SRRM5: variants seen among roughly 807,000 people sequenced by gnomAD.
SRRM5 encodes serine/arginine repetitive matrix protein 5.
SRRM5 carries 1 observed loss-of-function variant against 1.3 expected under a neutral mutation model. The ratio of observed to expected loss-of-function variants is 0.76; its 90% confidence interval spans 0.27 to 3.59. The LOEUF (loss-of-function observed/expected upper bound fraction) is 3.59, where lower values mean the gene tolerates loss of function less well. SRRM5 is among the 30% of genes most tolerant of loss of function. The pLI is 0.19. For missense variants in SRRM5, 875 were observed against 914.5 expected, an observed-to-expected ratio of 0.96 and a Z score of 0.56; for synonymous variants, 275 against 320.2, an observed-to-expected ratio of 0.86 and a Z score of 1.51.
At position 43,612,845 on chromosome 19, in the gene SRRM5, G is replaced by A. The variant is rs1366671849; in HGVS notation, c.724G>A (p.Val242Met). The change falls in exon 1 of 1, where the codon GTG becomes ATG. Residue 242 changes from valine (V) to methionine (M), a missense_variant. Coordinates refer to ENST00000417606, the MANE Select transcript of SRRM5 (RefSeq NM_001145641.2). This position sits in a 1 kb window ranked among gnomAD's most constrained non-coding sequence, Gnocchi z 4.2. ...DNPSPSSSRK[V>M]KSYGQMIIPS... ...CCCATCTCCATCCTCATCAAGGAAG[G>A]TGAAGAGCTACGGTCAGATGATCAT... 1.3e-6 allele frequency: 2 copies of A among 1,551,714 alleles called. No homozygotes were observed. Among genetic ancestry groups the A allele is most frequent in the Non-Finnish European group, 8.7e-7 (1 of 1,146,998 alleles).
At position 43,613,493 on chromosome 19, in the gene SRRM5, G is replaced by A. The variant is rs1294038890; in HGVS notation, c.1372G>A (p.Ala458Thr). Residue 458 changes from alanine to threonine, a missense_variant, in exon 1 of 1, where the codon GCA becomes ACA. Ala to Thr is a moderately conservative substitution (Grantham distance 58). Coordinates refer to ENST00000417606, the MANE Select transcript of SRRM5 (RefSeq NM_001145641.2). ...CAGCCGATCTAGAAGTCCCAACAAG[G>A]CAAGAGATCATAGCCGATCTAGAAG... Reference protein sequence around the residue: ...DRSRSRSPNKARDHSRSRSPN... With the variant: ...DRSRSRSPNKTRDHSRSRSPN... 1.3e-6 allele frequency: 2 copies of A among 1,545,624 alleles called. No homozygotes were observed. The highest frequency in any genetic ancestry group is 1.7e-6 in the Non-Finnish European group (2 of 1,146,524).
rs148194580 is a variant in SRRM5 at position 43,612,510 on chromosome 19, G to A, written c.389G>A (p.Arg130His). 2.6e-3 allele frequency: 4,005 copies of A among 1,551,518 alleles called. 100 individuals carry two copies. The Admixed American group carries it at 0.053, about 21-fold the overall frequency. ...AGGACACCTGGCAGAAGGGGAAGCC[G>A]CAGCTCCAAGAGGTCACCCAGCAGG... Reference protein sequence around the residue: ...RGRTPGRRGSRSSKRSPSRAS... With the variant: ...RGRTPGRRGSHSSKRSPSRAS... The change falls in exon 1 of 1, where the codon CGC becomes CAC. Residue 130 changes from arginine (R) to histidine (H), a missense_variant. Transcript: ENST00000417606. The surrounding 1 kb of genome is among the most constrained non-coding windows in gnomAD (Gnocchi z 4.2).
In SRRM5 at chr19:43,613,733, A is replaced by G. The variant is rs1568535547; in HGVS notation, c.1612A>G (p.Ser538Gly). 1 of 1,551,630 alleles carries G rather than the reference A, an allele frequency of 6.4e-7. No homozygotes were observed. The highest frequency in any genetic ancestry group is 8.7e-7 in the Non-Finnish European group (1 of 1,146,962). ...SKERQRRQSR[S>G]PNKERDRSQS... ...GGAGAGACAGCGCAGACAATCTAGA[A>G]GCCCCAACAAGGAGAGAGATCGCAG... Residue 538 changes from serine to glycine, a missense_variant, in exon 1 of 1, where the codon AGC (serine) becomes GGC (glycine). Ser to Gly is a moderately conservative substitution (Grantham distance 56). Coordinates refer to ENST00000417606, the MANE Select transcript of SRRM5 (RefSeq NM_001145641.2).
Position 43,613,098 on chromosome 19 carries a change from T to G in SRRM5, c.977T>G (p.Met326Arg). 1 of 1,551,442 alleles carries G rather than the reference T, an allele frequency of 6.4e-7. No individual in the cohort carries two copies. The highest frequency in any genetic ancestry group is 1.2e-5 in the South Asian group (1 of 84,036). Residue 326 changes from methionine to arginine, a missense_variant, in exon 1 of 1, where the codon ATG (methionine) becomes AGG (arginine). Physicochemically the swap from Met to Arg is moderately conservative, Grantham distance 91. Transcript: ENST00000417606. Reference protein sequence around the residue: ...SRTRKGILSQMGRHSQSRSHS... With the variant: ...SRTRKGILSQRGRHSQSRSHS... ...ACCCGGAAGGGAATTCTGAGCCAGA[T>G]GGGAAGACACAGCCAGTCTAGAAGC... is the stretch of plus-strand genomic sequence containing the variant.
chr19:43,614,019 G>A lies in SRRM5; in HGVS notation c.1898G>A (p.Arg633Lys), dbSNP rs552706429. Residue 633 changes from arginine to lysine, a missense_variant, in exon 1 of 1, where the codon AGA becomes AAA. Physicochemically the swap from Arg to Lys is conservative, Grantham distance 26. Coordinates refer to ENST00000417606, the MANE Select transcript of SRRM5 (RefSeq NM_001145641.2). The part of the protein sequence containing the change: ...PSKEGNHSQS[R>K]TSSKESDPSQ... ...AAAGAAGGAAATCATAGCCAATCTA[G>A]AACCTCTAGCAAGGAGAGCGACCCC... 30 of 1,551,760 alleles carry A rather than the reference G, an allele frequency of 1.9e-5. No individual in the cohort carries two copies. In the Admixed American group the frequency reaches 5.7e-4, roughly 29 times the overall value.
In SRRM5 at chr19:43,614,026, T is replaced by TAG. The variant is rs1568535797; in HGVS notation, c.1906_1907dup (p.Ser636ArgfsTer52). The TAG allele has an allele frequency of 4.5e-6, 7 of 1,551,560 alleles. No homozygotes were observed. The highest frequency in any genetic ancestry group is 1.4e-5 in the African/African-American group (1 of 72,996). On this transcript the variant is annotated frameshift_variant, in exon 3 of 3. Coordinates refer to the SRRM5 transcript ENST00000607544. LOFTEE classifies it low-confidence loss of function (END_TRUNC). ...GAAATCATAGCCAATCTAGAACCTC[T>TAG]AGCAAGGAGAGCGACCCCAGTCAAT...
In SRRM5 at chr19:43,613,588, A is replaced by T; in HGVS notation, c.1467A>T (p.Gly489=). 6.4e-7 allele frequency: 1 copy of T among 1,551,738 alleles called. No homozygotes were observed. The highest frequency in any genetic ancestry group is 8.7e-7 in the Non-Finnish European group (1 of 1,146,994). ...AGGAAAGAGATCACAGCCAACTTGG[A>T]AGCCCCAGCAAAGAGAGAGATCACA... The part of the protein sequence containing the change: ...PSKERDHSQL[G]SPSKERDHRR... Residue 489 remains glycine (G), a synonymous_variant, in exon 1 of 1, where the codon GGA becomes GGT. Coordinates refer to ENST00000417606, the MANE Select transcript of SRRM5 (RefSeq NM_001145641.2).
chr19:43,613,449 C>A lies in SRRM5; in HGVS notation c.1328C>A (p.Pro443His). ...KARDCSRSRS[P>H]YKARDRSRSR... ...AGAGATTGCAGCCGATCTAGAAGTC[C>A]CTACAAGGCGAGAGATCGCAGCCGA... is the stretch of plus-strand genomic sequence containing the variant. The change falls in exon 1 of 1, where the codon CCC (proline) becomes CAC (histidine). Residue 443 changes from proline to histidine, a missense_variant. Transcript: ENST00000417606. 1 of 1,544,856 alleles carries A rather than the reference C, an allele frequency of 6.5e-7. No homozygotes were observed. Among genetic ancestry groups the A allele is most frequent in the Non-Finnish European group, 8.7e-7 (1 of 1,144,180 alleles).
Position 43,612,772 on chromosome 19 carries a change from CA to C in SRRM5, c.653del (p.Lys218SerfsTer25), listed in dbSNP as rs1298295596. ...AGCTGGCTGTAACTCCCAGTACAGC[CA>C]AGTGTCAAACCCCGACTGGAATTCC... On this transcript the variant is annotated frameshift_variant, in exon 3 of 3. Transcript: ENST00000607544. LOFTEE classifies it low-confidence loss of function (END_TRUNC). This position sits in a 1 kb window ranked among gnomAD's most constrained non-coding sequence, Gnocchi z 4.2. 3.9e-6 allele frequency: 6 copies of C among 1,551,640 alleles called. No homozygotes were observed. In the East Asian group the frequency reaches 1.5e-4, roughly 38 times the overall value.
Position 43,613,119 on chromosome 19 carries a change from G to T in SRRM5, c.998G>T (p.Arg333Ile), listed in dbSNP as rs12608798. 391 of 1,551,712 alleles carry T rather than the reference G, an allele frequency of 2.5e-4. 2 individuals carry two copies. The East Asian group carries it at 9.0e-3, about 36-fold the overall frequency. Residue 333 changes from arginine to isoleucine, a missense_variant, in exon 1 of 1, where the codon AGA (arginine) becomes ATA (isoleucine). Arg to Ile is a moderately conservative substitution (Grantham distance 97). Coordinates refer to ENST00000417606, the MANE Select transcript of SRRM5 (RefSeq NM_001145641.2). ...LSQMGRHSQS[R>I]SHSKGKSQNQ... Reference sequence around the variant, plus strand: ...CAGATGGGAAGACACAGCCAGTCTAGAAGCCACAGCAAGGGGAAAAGTCAA... The same window carrying T: ...CAGATGGGAAGACACAGCCAGTCTATAAGCCACAGCAAGGGGAAAAGTCAA...
chr19:43,614,044 C>T lies in SRRM5; in HGVS notation c.1923C>T (p.Pro641=), dbSNP rs1357843953. The change falls in exon 1 of 1, where the codon CCC becomes CCT. Residue 641 remains proline, a synonymous_variant. Transcript: ENST00000417606. Reference sequence around the variant, plus strand: ...GAACCTCTAGCAAGGAGAGCGACCCCAGTCAATCTACAGTCCCCAGAAGTC... The same window carrying T: ...GAACCTCTAGCAAGGAGAGCGACCCTAGTCAATCTACAGTCCCCAGAAGTC... ...QSRTSSKESD[P]SQSTVPRSPD... The T allele has an allele frequency of 6.4e-7, 1 of 1,552,386 alleles. No individual in the cohort carries two copies. The highest frequency in any genetic ancestry group is 2.4e-5 in the East Asian group (1 of 40,934).
In SRRM5 at chr19:43,614,494, C is replaced by T. The variant is rs1671445469; in HGVS notation, c.*225C>T. 1 of 1,401,622 alleles carries T rather than the reference C, an allele frequency of 7.1e-7. No homozygotes were observed. Among genetic ancestry groups the T allele is most frequent in the South Asian group, 1.6e-5 (1 of 63,466 alleles). 86.8% of individuals were successfully genotyped at this position (1,401,622 alleles called of 1,614,324 possible). On this transcript the variant is annotated 3_prime_UTR_variant, in exon 1 of 1. Coordinates refer to ENST00000417606, the MANE Select transcript of SRRM5 (RefSeq NM_001145641.2). ...CAATAAATTTTTACATAGCACCCAT[C>T]CCCACCAAGCCCAACTGTGTGCTCA... is the stretch of plus-strand genomic sequence containing the variant.
rs771703437 is a variant in SRRM5 at position 43,613,693 on chromosome 19, T to C, written c.1572T>C (p.Ser524=). Reference sequence around the variant, plus strand: ...GCAAAGAGAGAGATCACAGACGATCTAGAAGCCCCAGCAAGGAGAGACAGC... The same window carrying C: ...GCAAAGAGAGAGATCACAGACGATCCAGAAGCCCCAGCAAGGAGAGACAGC... The part of the protein sequence containing the change: ...SSSKERDHRR[S]RSPSKERQRR... Residue 524 remains serine (S), a synonymous_variant, in exon 1 of 1, where the codon TCT becomes TCC. Transcript: ENST00000417606. The C allele has an allele frequency of 7.1e-5, 110 of 1,551,072 alleles. No homozygotes were observed. The South Asian group carries it at 1.2e-3, about 17-fold the overall frequency.
chr19:43,613,930 T>C lies in SRRM5; in HGVS notation c.1809T>C (p.Ser603=), dbSNP rs1206801072. The C allele has an allele frequency of 6.4e-7, 1 of 1,550,802 alleles. No individual in the cohort carries two copies. Among genetic ancestry groups the C allele is most frequent in the Non-Finnish European group, 8.7e-7 (1 of 1,146,766 alleles). Residue 603 remains serine, a synonymous_variant, in exon 1 of 1, where the codon AGT becomes AGC. Coordinates refer to ENST00000417606, the MANE Select transcript of SRRM5 (RefSeq NM_001145641.2). ...HSRSRSPNKQ[S]GYSRPRASSK... The stretch of plus-strand genomic sequence containing the variant: ...GATCTAGAAGCCCCAATAAGCAGAG[T>C]GGTTACAGTCGACCTAGAGCCTCCA...
In SRRM5 at chr19:43,614,076, G is replaced by A; in HGVS notation, c.1955G>A (p.Trp652Ter). ...TCTACAGTCCCCAGAAGTCCCGACT[G>A]GAAGAGATCCCCTACTAGGACAAGC... Residue 652 changes from tryptophan (W) to a stop codon, truncating the protein, a stop_gained, in exon 3 of 3, where the codon TGG becomes TAG. Coordinates refer to the SRRM5 transcript ENST00000607544. LOFTEE classifies it low-confidence loss of function (END_TRUNC). The A allele has an allele frequency of 6.4e-7, 1 of 1,560,756 alleles. No individual in the cohort carries two copies. Among genetic ancestry groups the A allele is most frequent in the South Asian group, 1.2e-5 (1 of 85,194 alleles).
rs1483913674 is a variant in SRRM5 at position 43,612,643 on chromosome 19, C to T, written c.522C>T (p.Gly174=). Residue 174 remains glycine, a synonymous_variant, in exon 1 of 1, where the codon GGC becomes GGT. Transcript: ENST00000417606. This position sits in a 1 kb window ranked among gnomAD's most constrained non-coding sequence, Gnocchi z 4.2. ...QQKGSRGKSY[G]RPRTSNRERS... is the part of the protein sequence containing the mutation. ...AAGGGAGCCGGGGAAAGAGTTACGGCCGGCCTAGAACCAGCAACAGGGAAA... is the reference window on the plus strand; with the variant it reads ...AAGGGAGCCGGGGAAAGAGTTACGGTCGGCCTAGAACCAGCAACAGGGAAA... The T allele has an allele frequency of 1.9e-6, 3 of 1,551,408 alleles. No homozygotes were observed. In the East Asian group the frequency reaches 7.3e-5, roughly 38 times the overall value.
rs1045685759 is a variant in SRRM5 at position 43,614,450 on chromosome 19, G to T, written c.*181G>T. ...GAGAGGGATGCTGGATAGGGGGAAA[G>T]GAAAGACCTGTGATGATTCAATAAA... On this transcript the variant is annotated 3_prime_UTR_variant, in exon 1 of 1. Transcript: ENST00000417606. 1.4e-6 allele frequency: 2 copies of T among 1,439,554 alleles called. No homozygotes were observed. The highest frequency in any genetic ancestry group is 2.9e-5 in the African/African-American group (2 of 69,736). The allele number at this position is 1,439,554 out of a possible 1,614,324, so 89.2% of individuals were successfully genotyped here. A position where few individuals can be genotyped will look rare whatever the true frequency, so the allele number is the denominator to read the frequency against.
Position 43,614,459 on chromosome 19 carries a change from TG to T in SRRM5, c.*191del, listed in dbSNP as rs1278747163. ...GCTGGATAGGGGGAAAGGAAAGACC[TG>T]TGATGATTCAATAAATTTTTACATA... On this transcript the variant is annotated 3_prime_UTR_variant, in exon 1 of 1. Coordinates refer to ENST00000417606, the MANE Select transcript of SRRM5 (RefSeq NM_001145641.2). The T allele has an allele frequency of 7.0e-7, 1 of 1,433,670 alleles. No individual in the cohort carries two copies. Among genetic ancestry groups the T allele is most frequent in the South Asian group, 1.5e-5 (1 of 65,802 alleles). The allele number at this position is 1,433,670 out of a possible 1,614,324, so 88.8% of individuals were successfully genotyped here. A position where few individuals can be genotyped will look rare whatever the true frequency, so the allele number is the denominator to read the frequency against.
rs78739853 is a variant in SRRM5, at chr19:43,612,954, C to T, written c.833C>T (p.Pro278Leu). 6,986 of 1,551,576 alleles carry T rather than the reference C, an allele frequency of 4.5e-3. 287 individuals are homozygous for T. In the African/African-American group the frequency reaches 0.083, roughly 19 times the overall value. The change falls in exon 1 of 1, where the codon CCG becomes CTG. Residue 278 changes from proline to leucine, a missense_variant. By Grantham distance (98) the Pro-to-Leu change is moderately conservative. Coordinates refer to ENST00000417606, the MANE Select transcript of SRRM5 (RefSeq NM_001145641.2). The surrounding 1 kb of genome is among the most constrained non-coding windows in gnomAD (Gnocchi z 4.2). ...AACCAGGCCAGCACCCGCAGCAGGCCGCAAAGTCACAGCCAATCTAGAAGC... is the reference window on the plus strand; with the variant it reads ...AACCAGGCCAGCACCCGCAGCAGGCTGCAAAGTCACAGCCAATCTAGAAGC... ...SYNQASTRSR[P>L]QSHSQSRSPR...
Sources: allele counts gnomAD v4.1 joint callset, GRCh38; gene constraint gnomAD v4.1.1; non-coding constraint Gnocchi (gnomAD v3.1); transcripts MANE v1.5; gene names NCBI Gene and HGNC (gene_info 2026-07-23, HGNC 2026-07-21).